PIR: variants seen among roughly 807,000 people sequenced by gnomAD.
PIR encodes pirin (iron-binding nuclear protein).
Under a neutral mutation model 24.2 loss-of-function variants are expected in PIR, and 22 were observed. That is an observed-to-expected ratio of 0.91 (90% CI 0.65 to 1.30). The LOEUF (loss-of-function observed/expected upper bound fraction) is 1.30, where lower values mean the gene tolerates loss of function less well. Ranked by LOEUF, PIR falls within the 50% of genes most tolerant of loss-of-function variation. PIR has a pLI of 0.00. For synonymous variants in PIR, 80 were observed against 79.6 expected, an observed-to-expected ratio of 1.00 and a Z score of -0.03; for missense variants, 220 against 220.3, an observed-to-expected ratio of 1.00 and a Z score of 0.01.
intron 5 of PIR, among the ~76,000 whole-genome samples, chrX:15,442,369 C>T (rs1339550864): frequency 9.0e-6 from 1 of 111,458 alleles, no homozygotes; most frequent in African/African-American, 3.3e-5. Flanking sequence ...CATCTCTCTC[C>T]CTCTCCTTGG....
chrX:15,491,893 C>T (rs1415522179), intron 1 of PIR, among the ~76,000 whole-genome samples: 1 of 110,952 alleles, frequency 9.0e-6, no homozygotes, highest in Non-Finnish European at 1.9e-5. Context: ...ACGACAAAAT[C>T]ACCTAACAAT....
At position 15,468,686 on chromosome X, in the gene PIR, C is replaced by G. The variant is rs1439039593; in HGVS notation, c.190-8946G>C. 7.1e-5 allele frequency among the ~76,000 whole-genome samples: 8 copies of G among 112,227 alleles called. No individual in the cohort carries two copies. The Admixed American group carries it at 7.5e-4, about 11-fold the overall frequency. On this transcript the variant is annotated intron_variant, in intron 3 of 9. Transcript: ENST00000380420. ...CATTGAACTTGATGTTATTGGGCCC[C>G]AGGCCCCAGGATTTTGGACATCAAG...
chrX:15,433,511 G>GGAAA (rs765522981), intron 5 of PIR, among the ~76,000 whole-genome samples: 117 of 48,103 alleles, frequency 2.4e-3, no homozygotes, highest in South Asian at 4.6e-3. Flanking sequence ...AGGAGGAGGA[G>GGAAA]GAAAGAAAGA....
At chrX:15,394,042 AATTGGTCCCT>A (rs1924045502) in intron 8 of PIR, among the ~76,000 whole-genome samples, 1 of 111,003 alleles carries the variant, frequency 9.0e-6, no homozygotes, top group Non-Finnish European at 1.9e-5. Context: ...TCTTCCAAGA[AATTGGTCCCT>A]GATGCCAAAA....
intron 7 of PIR, among the ~76,000 whole-genome samples, chrX:15,404,380 T>C (rs1846116819): frequency 8.9e-6 from 1 of 112,501 alleles, no homozygotes; most frequent in Non-Finnish European, 1.9e-5. Flanking sequence ...GCACTTCCTG[T>C]AATCAGTTAA....
At chrX:15,427,313 A>G (rs1466732548) in intron 5 of PIR, among the ~76,000 whole-genome samples, 5 of 111,250 alleles carry the variant, frequency 4.5e-5, no homozygotes, top group African/African-American at 9.8e-5. Flanking sequence ...TTACTTGGTA[A>G]ACATTCTTTG....
chrX:15,465,239 T>C (rs1921502281), intron 3 of PIR, among the ~76,000 whole-genome samples: 1 of 105,014 alleles, frequency 9.5e-6, no homozygotes, highest in Non-Finnish European at 1.9e-5. Context: ...ATGCCTATCT[T>C]TTACTACTTG....
At chrX:15,386,049 T>A (rs1923738255) in intron 9 of PIR, among the ~76,000 whole-genome samples, 1 of 111,934 alleles carries the variant, frequency 8.9e-6, no homozygotes, top group Middle Eastern at 4.2e-3. Context: ...CAAGGCCAGC[T>A]TTTATATGGC....
intron 5 of PIR, among the ~76,000 whole-genome samples, chrX:15,452,403 T>C (rs1920974930): frequency 8.9e-6 from 1 of 111,771 alleles, no homozygotes; most frequent in African/African-American, 3.3e-5. Flanking sequence ...AGAATCTTGT[T>C]CTGTCTTGGC....
intron 5 of PIR, among the ~76,000 whole-genome samples, chrX:15,444,773 A>G (rs1407868028): frequency 1.8e-5 from 2 of 111,456 alleles, no homozygotes; most frequent in African/African-American, 6.5e-5. Flanking sequence ...ACCTAGAGAC[A>G]CTCAAAGTCT....
chrX:15,449,093 G>C (rs1926200342), intron 5 of PIR, among the ~76,000 whole-genome samples: 2 of 112,079 alleles, frequency 1.8e-5, no homozygotes, highest in Non-Finnish European at 3.8e-5. Flanking sequence ...GAATGGCTGT[G>C]TGAATCTGGG....
At chrX:15,477,997 T>C (rs1922290523) in intron 3 of PIR, among the ~76,000 whole-genome samples, 2 of 98,424 alleles carry the variant, frequency 2.0e-5, no homozygotes, top group South Asian at 1.1e-3. Context: ...CTGAGTACCT[T>C]ATAATTTATA....
chrX:15,408,778 T>A, intron 6 of PIR, among the ~76,000 whole-genome samples: 1 of 110,988 alleles, frequency 9.0e-6, no homozygotes, highest in Non-Finnish European at 1.9e-5. Context: ...TCTGGAGGAG[T>A]CAGCGTGATG....
At chrX:15,473,798 G>C (rs1226462317) in intron 3 of PIR, among the ~76,000 whole-genome samples, 1 of 111,967 alleles carries the variant, frequency 8.9e-6, no homozygotes, top group East Asian at 2.8e-4. Context: ...CTCATGATCC[G>C]CCCGCCTCGG....
intron 6 of PIR, among the ~76,000 whole-genome samples, chrX:15,411,212 TG>T (rs1351372985): frequency 8.9e-6 from 1 of 112,305 alleles, no homozygotes; most frequent in African/African-American, 3.2e-5. Context: ...TAAAATGAGC[TG>T]GGAGGGAGGT....
rs747807087 is a variant in PIR, at chrX:15,441,169, C to G, written c.480+14679G>C. Among the ~76,000 whole-genome samples, 4 of 111,487 alleles carry G rather than the reference C, an allele frequency of 3.6e-5. No homozygotes were observed. In the East Asian group the frequency reaches 1.1e-3, roughly 31 times the overall value. ...AGAAAAAAGAAAATCCTTATTCTAC[C>G]CAAGCAAAGCAGGGTTAAAATTGGA... On this transcript the variant is annotated intron_variant, in intron 5 of 9. Transcript: ENST00000380420.
intron 5 of PIR, among the ~76,000 whole-genome samples, chrX:15,435,114 G>A (rs1327230854): frequency 1.8e-5 from 2 of 110,649 alleles, no homozygotes; most frequent in African/African-American, 6.6e-5. Context: ...GGGAGGCTGA[G>A]GCAGGAGAAT....
chrX:15,418,640 G>C (rs1238378713), intron 6 of PIR, among the ~76,000 whole-genome samples: 2 of 111,831 alleles, frequency 1.8e-5, no homozygotes, highest in African/African-American at 6.5e-5. Context: ...TTTTCTGCAA[G>C]ATTAGCACAA....
At chrX:15,447,570 G>A (rs961642675) in intron 5 of PIR, among the ~76,000 whole-genome samples, 5 of 111,565 alleles carry the variant, frequency 4.5e-5, no homozygotes, top group Non-Finnish European at 9.4e-5. Context: ...CGGCCGCCTC[G>A]GCCTCCCAAA....
Sources: gnomAD v4.1 joint callset for allele counts (sites outside exome capture counted in the v4.1 genomes callset) on GRCh38, gnomAD v4.1.1 for gene constraint, MANE v1.5 for transcripts, NCBI Gene and HGNC (gene_info 2026-07-23, HGNC 2026-07-21) for gene names.